The following FANCC variants were observed in gnomAD, a reference collection of about 807,000 sequenced individuals.
FANCC encodes FA complementation group C.
In FANCC, 55 loss-of-function variants were observed where a neutral mutation model predicts 71.3. That is an observed-to-expected ratio of 0.77 (90% confidence interval 0.62 to 0.97). The LOEUF (loss-of-function observed/expected upper bound fraction) is 0.97, where lower values mean the gene tolerates loss of function less well. FANCC is among the 50% of genes least tolerant of loss of function. The pLI is 0.00. For missense variants in FANCC, 678 were observed against 670.9 expected, an observed-to-expected ratio of 1.01 and a Z score of -0.12; for synonymous variants, 275 against 244.9, an observed-to-expected ratio of 1.12 and a Z score of -1.15.
intron 1 of FANCC, among the ~76,000 whole-genome samples, chr9:95,299,871 G>A (rs1165779413): frequency 2.0e-5 from 3 of 151,242 alleles, no homozygotes; most frequent in East Asian, 1.9e-4. Context: ...AAATGCATGC[G>A]CACACACACA....
At chr9:95,133,059 G>C (rs964293433) in intron 8 of FANCC, among the ~76,000 whole-genome samples, 1 of 152,240 alleles carries the variant, frequency 6.6e-6, no homozygotes, top group African/African-American at 2.4e-5. Flanking sequence ...GAGTCTTAGA[G>C]ATCTCTCTGA....
intron 6 of FANCC, among the ~76,000 whole-genome samples, chr9:95,159,676 A>G (rs1422313809): frequency 6.6e-6 from 1 of 152,132 alleles, no homozygotes; most frequent in East Asian, 1.9e-4. Flanking sequence ...CTATTTCTCC[A>G]CATCCTCTCC....
At chr9:95,259,655 C>A (rs1831899983) in intron 1 of FANCC, among the ~76,000 whole-genome samples, 1 of 152,098 alleles carries the variant, frequency 6.6e-6, no homozygotes, top group South Asian at 2.1e-4. Context: ...GACTAAAATA[C>A]CAAAAGCAAT....
chr9:95,236,340 C>T (rs1354951398), intron 4 of FANCC, among the ~76,000 whole-genome samples: 1 of 152,144 alleles, frequency 6.6e-6, no homozygotes, highest in Non-Finnish European at 1.5e-5. Flanking sequence ...GCCTGGCAAA[C>T]AGTAGGTGCT....
At chr9:95,156,487 G>A (rs1458214617) in intron 6 of FANCC, among the ~76,000 whole-genome samples, 1 of 152,120 alleles carries the variant, frequency 6.6e-6, no homozygotes, top group Non-Finnish European at 1.5e-5. Context: ...TTCTGAATGT[G>A]TTGAGCCCTT....
In FANCC at chr9:95,183,515, G is replaced by A. The variant is rs576229852; in HGVS notation, c.346-11368C>T. On this transcript the variant is annotated intron_variant, in intron 4 of 14. Transcript: ENST00000289081. ...ATTCCCTTGTGACCTTGTTATAGGA[G>A]AACACAACAAGTTTTCTTTTTCACA... Among the ~76,000 whole-genome samples the A allele has an allele frequency of 5.9e-5, 9 of 152,336 alleles. No individual in the cohort carries two copies. In the South Asian group the frequency reaches 1.4e-3, roughly 25 times the overall value.
rs554603823 is a variant in FANCC, at chr9:95,163,544, C to T, written c.521+7535G>A. On this transcript the variant is annotated intron_variant, in intron 6 of 14. Transcript: ENST00000289081. ...AACCTGAAGATTGCTTTGGGTAGTA[C>T]GGGCATTTAAAATACTAAGCATAGG... is the stretch of plus-strand genomic sequence containing the variant. Among the ~76,000 whole-genome samples the T allele has an allele frequency of 5.1e-4, 78 of 152,242 alleles. 1 individual carries two copies. Among genetic ancestry groups the T allele is most frequent in the South Asian group, 1.2e-3 (6 of 4,824 alleles).
chr9:95,138,847 A>G (rs1213153234), intron 7 of FANCC, among the ~76,000 whole-genome samples: 9 of 152,222 alleles, frequency 5.9e-5, no homozygotes, highest in African/African-American at 2.2e-4. Flanking sequence ...TCCAGTCAGT[A>G]AAGTGCGTGA....
At position 95,268,679 on chromosome 9, in the gene FANCC, C is replaced by G. The variant is rs4647405; in HGVS notation, c.-78-19310G>C. Among the ~76,000 whole-genome samples, 509 of 152,238 alleles carry G rather than the reference C, an allele frequency of 3.3e-3. 9 individuals are homozygous for G. The East Asian group carries it at 0.043, about 13-fold the overall frequency. ...TACACATCGTAATTGTTTGGATAAA[C>G]AGTCACATTTTTTTTTTCTTTAAAA... is the stretch of plus-strand genomic sequence containing the variant. On this transcript the variant is annotated intron_variant, in intron 1 of 14. Transcript: ENST00000289081.
At chr9:95,241,524 AG>A (rs1381069808) in intron 3 of FANCC, among the ~76,000 whole-genome samples, 2 of 152,210 alleles carry the variant, frequency 1.3e-5, no homozygotes, top group East Asian at 3.8e-4. Context: ...AATGGGGCCT[AG>A]AAACTGAAGA....
intron 2 of FANCC, among the ~76,000 whole-genome samples, 179 bp downstream of exon 2, chr9:95,248,948 T>G (rs1298129569): frequency 6.6e-6 from 1 of 152,100 alleles, no homozygotes; most frequent in Non-Finnish European, 1.5e-5. Flanking sequence ...AAGAAGAAAT[T>G]ATAATAATAT....
intron 4 of FANCC, among the ~76,000 whole-genome samples, chr9:95,234,189 T>A (rs902522305): frequency 6.6e-6 from 1 of 152,220 alleles, no homozygotes; most frequent in African/African-American, 2.4e-5. Flanking sequence ...CATTAAAAGG[T>A]TATGCTAATT....
intron 1 of FANCC, among the ~76,000 whole-genome samples, chr9:95,278,939 A>G (rs1833208793): frequency 6.6e-6 from 1 of 152,092 alleles, no homozygotes; most frequent in African/African-American, 2.4e-5. Flanking sequence ...TAATCCCAGC[A>G]CTTTGAGAGG....
intron 4 of FANCC, among the ~76,000 whole-genome samples, chr9:95,176,067 C>T (rs537128986): frequency 6.6e-6 from 1 of 152,326 alleles, no homozygotes; most frequent in South Asian, 2.1e-4. Flanking sequence ...TACTACACAC[C>T]AGGGGCTGTT....
At position 95,247,516 on chromosome 9, in the gene FANCC, C is replaced by CCTGT. The variant is rs746016938; in HGVS notation, c.166-4_166-1dup (p.Asp56ThrfsTer4). ...AATCTTTCAATGACTGTATTAGAATCCTGTGAAAGAAAAATAAATTTTGGT... is the reference window on the plus strand; with the variant it reads ...AATCTTTCAATGACTGTATTAGAATCCTGTCTGTGAAAGAAAAATAAATTTTGGT... On this transcript the variant is annotated frameshift_variant and splice_region_variant. Coordinates refer to ENST00000289081, the MANE Select transcript of FANCC (RefSeq NM_000136.3). LOFTEE classifies it high-confidence loss of function. 5.0e-6 allele frequency: 8 copies of CCTGT among 1,611,198 alleles called. No individual in the cohort carries two copies. The highest frequency in any genetic ancestry group is 6.8e-6 in the Non-Finnish European group (8 of 1,177,834).
chr9:95,144,807 T>G (rs980076915), intron 7 of FANCC, among the ~76,000 whole-genome samples: 3 of 152,150 alleles, frequency 2.0e-5, no homozygotes, highest in African/African-American at 7.2e-5. Flanking sequence ...GTGAAGCGTG[T>G]GCTCCATTGC....
At chr9:95,137,262 C>T (rs1827836769) in intron 7 of FANCC, among the ~76,000 whole-genome samples, 1 of 152,110 alleles carries the variant, frequency 6.6e-6, no homozygotes, top group Admixed American at 6.6e-5. Context: ...ACTTTTTCTG[C>T]TTGCTTGGTG....
intron 6 of FANCC, among the ~76,000 whole-genome samples, chr9:95,156,862 G>C (rs1376904662): frequency 6.6e-6 from 1 of 152,118 alleles, no homozygotes; most frequent in East Asian, 1.9e-4. Flanking sequence ...AATTAAAATA[G>C]GTATCATAAT....
chr9:95,311,851 T>C (rs2136424269), intron 1 of FANCC, among the ~76,000 whole-genome samples: 1 of 152,176 alleles, frequency 6.6e-6, no homozygotes, highest in East Asian at 1.9e-4. Flanking sequence ...CACACATAAA[T>C]GTTTCTGAAT....
Sources: allele counts gnomAD v4.1 joint callset (sites outside exome capture counted in the v4.1 genomes callset), GRCh38; gene constraint gnomAD v4.1.1; transcripts MANE v1.5; gene names NCBI Gene and HGNC (gene_info 2026-07-23, HGNC 2026-07-21).